Variants in B4GALNT2 observed in about 807,000 individuals in gnomAD.
B4GALNT2 encodes beta-1,4-N-acetyl-galactosaminyltransferase 2 (SID blood group), also known as N-acetylneuraminylgalactosylglucosyl-glucoside beta-1,4-N- acetylgalactosaminyltransferase 2.
B4GALNT2 carries 42 observed loss-of-function variants against 51.1 expected under a neutral mutation model. The observed-to-expected ratio is 0.82, with a 90% CI of 0.64 to 1.06. B4GALNT2 has a LOEUF of 1.06. Among genes scored for constraint, B4GALNT2 ranks in the 50% least tolerant of loss-of-function variants. The probability of loss-of-function intolerance (pLI) is 0.00; values close to 1 mark genes in which losing one functional copy is unlikely to be tolerated. For missense variants in B4GALNT2, 602 were observed against 633.6 expected, an observed-to-expected ratio of 0.95 and a Z score of 0.54; for synonymous variants, 253 against 251.7, an observed-to-expected ratio of 1.01 and a Z score of -0.05.
At chr17:49,147,532 G>A (rs1404697531) in intron 3 of B4GALNT2, among the ~76,000 whole-genome samples, 1 of 151,844 alleles carries the variant, frequency 6.6e-6, no homozygotes, top group African/African-American at 2.4e-5. Flanking sequence ...ATGCTACCAT[G>A]CCTGGCTAAT....
the B4GALNT2 span, among the ~76,000 whole-genome samples, chr17:49,123,638 A>C: frequency 9.2e-5 from 14 of 152,356 alleles, no homozygotes; most frequent in Non-Finnish European, 1.9e-4. Context: ...ACTTTGTTCC[A>C]TAGAAGGAAT....
At chr17:49,133,011 TCTGCACC>T in intron 1 of B4GALNT2, 2 of 1,470,412 alleles carry the variant, frequency 1.4e-6, no homozygotes, top group Non-Finnish European at 1.8e-6. Context: ...CGGAACGAAC[TCTGCACC>T]CCCAGGAATG....
intron 1 of B4GALNT2, chr17:49,133,089 T>C (rs1044989682): frequency 1.3e-6 from 2 of 1,514,064 alleles, no homozygotes; most frequent in African/African-American, 1.5e-5. Flanking sequence ...CGGCCGGGAA[T>C]GTGTCTCGGG....
intron 10 of B4GALNT2, among the ~76,000 whole-genome samples, chr17:49,169,192 T>TG (rs2042938738): frequency 6.6e-6 from 1 of 152,092 alleles, no homozygotes; most frequent in East Asian, 1.9e-4. Flanking sequence ...TCATATTCTA[T>TG]TTTTTCAGAA....
intron 3 of B4GALNT2, among the ~76,000 whole-genome samples, chr17:49,151,571 C>A (rs1459791053): frequency 2.6e-5 from 4 of 151,954 alleles, no homozygotes; most frequent in Non-Finnish European, 4.4e-5. Flanking sequence ...CATGGTGAAA[C>A]CCCGTCTCTA....
chr17:49,155,880 G>A (rs574307270), intron 4 of B4GALNT2, among the ~76,000 whole-genome samples: 8 of 151,664 alleles, frequency 5.3e-5, no homozygotes, highest in African/African-American at 1.9e-4. Context: ...CCGCCACCAT[G>A]CCCGGCCAAT....
chr17:49,158,287 C>T (rs957769518), intron 5 of B4GALNT2, among the ~76,000 whole-genome samples: 1 of 152,092 alleles, frequency 6.6e-6, no homozygotes, highest in Non-Finnish European at 1.5e-5. Context: ...TGAAAGGTCC[C>T]AGCAGTTGGA....
intron 8 of B4GALNT2, among the ~76,000 whole-genome samples, chr17:49,165,291 C>T (rs1194703469): frequency 6.6e-6 from 1 of 151,208 alleles, no homozygotes; most frequent in Non-Finnish European, 1.5e-5. Context: ...CTCCTTGACT[C>T]TCTCTCCCTC....
At chr17:49,126,164 C>T in the B4GALNT2 span, among the ~76,000 whole-genome samples, 1 of 152,190 alleles carries the variant, frequency 6.6e-6, no homozygotes, top group South Asian at 2.1e-4. Context: ...AAGAAAAATT[C>T]TTCGGCCTTG....
In B4GALNT2 at chr17:49,169,536, T is replaced by G; in HGVS notation, c.1329T>G (p.Asp443Glu). 1 of 1,611,724 alleles carries G rather than the reference T, an allele frequency of 6.2e-7. No homozygotes were observed. The highest frequency in any genetic ancestry group is 8.5e-7 in the Non-Finnish European group (1 of 1,179,968). Reference protein sequence around the residue: ...QRVAHSEFFIDGLGTLLVGSC... With the variant: ...QRVAHSEFFIEGLGTLLVGSC... Reference sequence around the variant, plus strand: ...CTCTCTTTGCAGAATTCTTCATTGATGGGCTAGGGACCCTACTCGTGGGGT... The same window carrying G: ...CTCTCTTTGCAGAATTCTTCATTGAGGGGCTAGGGACCCTACTCGTGGGGT... Residue 443 changes from aspartate (D) to glutamate (E), a missense_variant, in exon 11 of 11, where the codon GAT (aspartate) becomes GAG (glutamate). Asp to Glu is a conservative substitution (Grantham distance 45). Coordinates refer to ENST00000393354, the MANE Select transcript of B4GALNT2 (RefSeq NM_001159387.2).
In B4GALNT2 at chr17:49,171,827, T is replaced by C; in HGVS notation, c.*2099T>C. ...CCCAAACAAGTACATTCATTATTTC[T>C]GGCCAGGTCTAATTCTATTTACAAA... On this transcript the variant is annotated 3_prime_UTR_variant, in exon 11 of 11. Transcript: ENST00000393354. 2.6e-6 allele frequency: 1 copy of C among 388,496 alleles called. No individual in the cohort carries two copies. Among genetic ancestry groups the C allele is most frequent in the Non-Finnish European group, 4.9e-6 (1 of 204,176 alleles). 24.1% of individuals were successfully genotyped at this position (388,496 alleles called of 1,614,324 possible).
chr17:49,173,554 A>T lies in B4GALNT2; in HGVS notation c.*3826A>T, dbSNP rs540625235. 1.3e-5 allele frequency: 2 copies of T among 152,224 alleles called. No individual in the cohort carries two copies. Among genetic ancestry groups the T allele is most frequent in the Non-Finnish European group, 2.9e-5 (2 of 68,030 alleles). The allele number at this position is 152,224 out of a possible 1,614,324, so 9.4% of individuals were successfully genotyped here. Reference sequence around the variant, plus strand: ...TGTTTTGGGAAAATGATTATCAAGAATACCCACAAAGTCAGCTAAATGGGT... The same window carrying T: ...TGTTTTGGGAAAATGATTATCAAGATTACCCACAAAGTCAGCTAAATGGGT... On this transcript the variant is annotated 3_prime_UTR_variant, in exon 11 of 11. Coordinates refer to ENST00000393354, the MANE Select transcript of B4GALNT2 (RefSeq NM_001159387.2).
chr17:49,168,794 C>T lies in B4GALNT2; in HGVS notation c.1209C>T (p.Phe403=). ...RMGFFQPLDG[F]PSCVVTSGVV... is the part of the protein sequence containing the mutation. ...GATTTTTCCAACCCCTGGATGGCTT[C>T]CCCAGCTGCGTGGTGACCAGTGGCG... Residue 403 remains phenylalanine (F), a synonymous_variant, in exon 10 of 11, where the codon TTC becomes TTT. Transcript: ENST00000393354. The T allele has an allele frequency of 6.2e-7, 1 of 1,614,072 alleles. No homozygotes were observed. Among genetic ancestry groups the T allele is most frequent in the Non-Finnish European group, 8.5e-7 (1 of 1,180,026 alleles).
At chr17:49,147,966 TTATATA>T (rs140831657) in intron 3 of B4GALNT2, among the ~76,000 whole-genome samples, 43 of 147,640 alleles carry the variant, frequency 2.9e-4, no homozygotes, top group African/African-American at 1.0e-3. Context: ...TTTTATTCAA[TTATATA>T]TATATATATA....
At chr17:49,128,147 G>A (rs756733574), upstream of B4GALNT2, among the ~76,000 whole-genome samples, 1 of 152,280 alleles carries the variant, frequency 6.6e-6, no homozygotes, top group Non-Finnish European at 1.5e-5. Context: ...GCGGTAATGA[G>A]AGGGATTTTC....
At chr17:49,149,805 T>A (rs1269465683) in intron 3 of B4GALNT2, among the ~76,000 whole-genome samples, 1 of 152,216 alleles carries the variant, frequency 6.6e-6, no homozygotes, top group East Asian at 1.9e-4. Flanking sequence ...TTATTTTTGA[T>A]AGATATTGCC....
the B4GALNT2 span, among the ~76,000 whole-genome samples, chr17:49,123,429 C>T: frequency 6.6e-6 from 1 of 152,174 alleles, no homozygotes; most frequent in African/African-American, 2.4e-5. Flanking sequence ...AATTGAAAAA[C>T]ATTTGGCAAC....
rs376215485 is a variant in B4GALNT2, at chr17:49,141,316, C to T, written c.84C>T (p.Phe28=). Residue 28 remains phenylalanine, a synonymous_variant, in exon 2 of 11, where the codon TTC becomes TTT. Transcript: ENST00000393354. ...ILVLGIVGFM[F]GSMFLQAVFS... is the part of the protein sequence containing the mutation. ...TACTTGGCATTGTTGGATTTATGTT[C>T]GGAAGCATGTTCCTTCAAGCAGTGT... The T allele has an allele frequency of 1.9e-5, 31 of 1,613,940 alleles. 1 individual carries two copies. Among genetic ancestry groups the T allele is most frequent in the South Asian group, 1.3e-4 (12 of 91,082 alleles).
upstream of B4GALNT2, chr17:49,132,748 C>T (rs994034130): frequency 4.4e-5 from 61 of 1,389,580 alleles, no homozygotes; most frequent in Non-Finnish European, 5.5e-5. Context: ...GGCCTGGCTG[C>T]TAGGCTCCGT....
Sources: allele counts gnomAD v4.1 joint callset (sites outside exome capture counted in the v4.1 genomes callset), GRCh38; gene constraint gnomAD v4.1.1; transcripts MANE v1.5; gene names NCBI Gene and HGNC (gene_info 2026-07-23, HGNC 2026-07-21).